The following CARD14 variants were observed in gnomAD, a reference collection of about 807,000 sequenced individuals.
The protein encoded by CARD14 is caspase recruitment domain family member 14.
In CARD14, 107 loss-of-function variants were observed where a neutral mutation model predicts 111.5. The observed-to-expected ratio is 0.96, with a 90% confidence interval of 0.82 to 1.13. CARD14 has a LOEUF of 1.13. CARD14 is among the 50% of genes most tolerant of loss of function. The pLI, the probability that CARD14 is intolerant of heterozygous loss-of-function variation, is 0.00. For synonymous variants in CARD14, 617 were observed against 579.6 expected, an observed-to-expected ratio of 1.06 and a Z score of -0.93; for missense variants, 1,322 against 1,362.3, an observed-to-expected ratio of 0.97 and a Z score of 0.47.
At position 80,202,134 on chromosome 17, in the gene CARD14, G is replaced by C. The variant is rs369971096; in HGVS notation, c.1979-46G>C. The stretch of plus-strand genomic sequence containing the variant: ...AATTTTCTGCAACCTTCCTCGCAGA[G>C]GCTCGTATCTGTGGCTCATCTGTGG... On this transcript the variant is annotated intron_variant, in intron 17 of 23. Transcript: ENST00000648509. The C allele has an allele frequency of 3.6e-4, 550 of 1,529,882 alleles. 12 individuals are homozygous for C. The South Asian group carries it at 5.1e-3, about 14-fold the overall frequency. 94.8% of individuals were successfully genotyped at this position (1,529,882 alleles called of 1,614,324 possible). A position where few individuals can be genotyped will look rare whatever the true frequency, so the allele number is the denominator to read the frequency against.
intron 21 of CARD14, 56 bp downstream of exon 21, chr17:80,205,261 C>CCCCTTCCTCCCTCCTT (rs2041230565): frequency 7.0e-6 from 10 of 1,421,064 alleles, no homozygotes; most frequent in Non-Finnish European, 7.8e-6. Context: ...CCTCCCTCCT[C>CCCCTTCCTCCCTCCTT]CCCTTCCTCC....
Position 80,189,836 on chromosome 17 carries a change from G to T in CARD14, c.927G>T (p.Arg309=), listed in dbSNP as rs2040462275. 6.3e-7 allele frequency: 1 copy of T among 1,589,088 alleles called. No homozygotes were observed. Among genetic ancestry groups the T allele is most frequent in the Non-Finnish European group, 8.5e-7 (1 of 1,171,618 alleles). ...QELVERIHSL[R]ERAVAAERQR... ...TGGTGGAGCGCATCCACTCGCTGCG[G>T]GAGCGGGCCGTGGCTGCCGAGAGGC... The change falls in exon 9 of 24, where the codon CGG becomes CGT. Residue 309 remains arginine (R), a synonymous_variant. Coordinates refer to ENST00000648509, the MANE Select transcript of CARD14 (RefSeq NM_001366385.1). This position sits in a 1 kb window ranked among gnomAD's most constrained non-coding sequence, Gnocchi z 4.7.
At position 80,195,016 on chromosome 17, in the gene CARD14, G is replaced by A. The variant is rs117253827; in HGVS notation, c.1357-175G>A. On this transcript the variant is annotated intron_variant, in intron 12 of 23. Coordinates refer to ENST00000648509, the MANE Select transcript of CARD14 (RefSeq NM_001366385.1). This position sits in a 1 kb window ranked among gnomAD's most constrained non-coding sequence, Gnocchi z 4.7. ...TGTGCTAATTGCATGTGACCCCAGTGTCTGGCATACAGCAGGTGCTCAGCG... is the reference window on the plus strand; with the variant it reads ...TGTGCTAATTGCATGTGACCCCAGTATCTGGCATACAGCAGGTGCTCAGCG... 1.0e-2 allele frequency among the ~76,000 whole-genome samples: 1,517 copies of A among 152,280 alleles called. 13 individuals carry two copies. Among genetic ancestry groups the A allele is most frequent in the Non-Finnish European group, 0.017 (1,159 of 68,032 alleles).
intron 12 of CARD14, 98 bp downstream of exon 12, chr17:80,192,717 C>A: frequency 1.3e-6 from 1 of 768,282 alleles, no homozygotes; most frequent in Non-Finnish European, 2.2e-6. Flanking sequence ...TCCACCCTGT[C>A]CCCACAGGGA....
At chr17:80,202,086 G>C in intron 17 of CARD14, 94 bp from the exon 18 acceptor site, 1 of 1,276,296 alleles carries the variant, frequency 7.8e-7, no homozygotes, top group Non-Finnish European at 1.1e-6. Flanking sequence ...AGACTGGGAG[G>C]GTCCTTCCTT....
At position 80,201,567 on chromosome 17, in the gene CARD14, G is replaced by A. The variant is rs748142029; in HGVS notation, c.1852-177G>A. On this transcript the variant is annotated intron_variant, in intron 16 of 23. Coordinates refer to ENST00000648509, the MANE Select transcript of CARD14 (RefSeq NM_001366385.1). The surrounding 1 kb of genome is among the most constrained non-coding windows in gnomAD (Gnocchi z 5.0). The stretch of plus-strand genomic sequence containing the variant: ...ACTATGTGTAGCACGCATCACTAGA[G>A]GTGTGAAGGCCCCACAGAGGCTCTG... 40 of 673,426 alleles carry A rather than the reference G, an allele frequency of 5.9e-5. No individual in the cohort carries two copies. The highest frequency in any genetic ancestry group is 9.0e-5 in the Non-Finnish European group (34 of 377,782). The allele number at this position is 673,426 out of a possible 1,614,324, so 41.7% of individuals were successfully genotyped here. A position where few individuals can be genotyped will look rare whatever the true frequency, so the allele number is the denominator to read the frequency against.
chr17:80,193,725 C>T (rs1295251351), intron 12 of CARD14, among the ~76,000 whole-genome samples: 1 of 152,180 alleles, frequency 6.6e-6, no homozygotes, highest in Admixed American at 6.5e-5. Flanking sequence ...ACTCAGAGAG[C>T]TGGGGGAGGC....
Position 80,198,410 on chromosome 17 carries a change from T to C in CARD14, c.1670T>C (p.Met557Thr), listed in dbSNP as rs1473368069. Residue 557 changes from methionine (M) to threonine (T), a missense_variant, in exon 16 of 24, where the codon ATG becomes ACG. Coordinates refer to ENST00000648509, the MANE Select transcript of CARD14 (RefSeq NM_001366385.1). This position sits in a 1 kb window ranked among gnomAD's most constrained non-coding sequence, Gnocchi z 7.5. ...CTCCCGGCCTGCAGCGGCGTCCTCA[T>C]GCGGCGGAGGCCAGCCCGCAGGATC... ...RLDVSESGVL[M>T]RRRPARRILS... 6.2e-7 allele frequency: 1 copy of C among 1,602,426 alleles called. No homozygotes were observed. Among genetic ancestry groups the C allele is most frequent in the Non-Finnish European group, 8.5e-7 (1 of 1,172,256 alleles).
chr17:80,184,041 C>A lies in CARD14; in HGVS notation c.478C>A (p.Leu160Met). 1.3e-6 allele frequency: 2 copies of A among 1,588,178 alleles called. No individual in the cohort carries two copies. The highest frequency in any genetic ancestry group is 1.7e-6 in the Non-Finnish European group (2 of 1,167,728). ...LRRCQQLQEHLGLAETRAEGL... is the reference protein window; with the variant it reads ...LRRCQQLQEHMGLAETRAEGL... ...GCGGTGCCAGCAGCTGCAGGAGCACCTGGGCCTGGCCGAGACCCGTGCCGA... is the reference window on the plus strand; with the variant it reads ...GCGGTGCCAGCAGCTGCAGGAGCACATGGGCCTGGCCGAGACCCGTGCCGA... Residue 160 changes from leucine (L) to methionine (M), a missense_variant, in exon 7 of 24, where the codon CTG (leucine) becomes ATG (methionine). Leu to Met is a conservative substitution (Grantham distance 15, BLOSUM62 2). Coordinates refer to ENST00000648509, the MANE Select transcript of CARD14 (RefSeq NM_001366385.1).
chr17:80,203,972 GGA>G lies in CARD14; in HGVS notation c.2283+91_2283+92del, dbSNP rs1213451401. ...GGCAGGGTGGCAGGAGGCACTGTGTGGAGAGTGGGCTGCTGATTGGAGGGTAA... is the reference window on the plus strand; with the variant it reads ...GGCAGGGTGGCAGGAGGCACTGTGTGGAGTGGGCTGCTGATTGGAGGGTAA... On this transcript the variant is annotated intron_variant, in intron 19 of 23. Coordinates refer to ENST00000648509, the MANE Select transcript of CARD14 (RefSeq NM_001366385.1). The surrounding 1 kb of genome is among the most constrained non-coding windows in gnomAD (Gnocchi z 4.6). 3 of 1,126,580 alleles carry G rather than the reference GGA, an allele frequency of 2.7e-6. No individual in the cohort carries two copies. The highest frequency in any genetic ancestry group is 3.9e-6 in the Non-Finnish European group (3 of 777,652). 69.8% of individuals were successfully genotyped at this position (1,126,580 alleles called of 1,614,324 possible).
At chr17:80,179,515 G>A (rs1020426976) in intron 4 of CARD14, among the ~76,000 whole-genome samples, 5 of 152,300 alleles carry the variant, frequency 3.3e-5, no homozygotes, top group Admixed American at 2.0e-4. Flanking sequence ...GCTATGTACT[G>A]TTTATACACA....
rs528332360 is a variant in CARD14 at position 80,183,561 on chromosome 17, G to A, written c.350-352G>A. Among the ~76,000 whole-genome samples, 5 of 152,268 alleles carry A rather than the reference G, an allele frequency of 3.3e-5. No individual in the cohort carries two copies. The East Asian group carries it at 9.7e-4, about 29-fold the overall frequency. On this transcript the variant is annotated intron_variant, in intron 6 of 23. Coordinates refer to ENST00000648509, the MANE Select transcript of CARD14 (RefSeq NM_001366385.1). ...AGTGGGTAACCCTCGTGCCAAAATC[G>A]GGAGTCACGCTGTTTATTCAACCAA...
chr17:80,170,682 A>T (rs956355483), intron 1 of CARD14: 1 of 151,968 alleles, frequency 6.6e-6, no homozygotes, highest in Non-Finnish European at 1.5e-5. Flanking sequence ...CACATCTTAG[A>T]TGCTCAGGAT....
chr17:80,205,250 C>T, intron 21 of CARD14, 45 bp downstream of exon 21: 1 of 1,468,982 alleles, frequency 6.8e-7, no homozygotes, highest in Non-Finnish European at 9.4e-7. Flanking sequence ...CACCTTCCCT[C>T]CCTCCCTCCT....
intron 9 of CARD14, among the ~76,000 whole-genome samples, chr17:80,190,231 C>G (rs2040477521): frequency 6.6e-6 from 1 of 152,160 alleles, no homozygotes; most frequent in African/African-American, 2.4e-5. Context: ...ACGCAAAACA[C>G]AACTATGCAT....
Position 80,205,190 on chromosome 17 carries a change from A to C in CARD14, c.2554A>C (p.Lys852Gln). ...GAAACTGTGCCTCCTCCAAGGGTTT[A>C]AGAAGTGCCTGGCAGGTATGCTGTT... ...SEKLCLLQGF[K>Q]KCLAEYLSQE... Residue 852 changes from lysine (K) to glutamine (Q), a missense_variant, in exon 21 of 24, where the codon AAG becomes CAG. Physicochemically the swap from Lys to Gln is moderately conservative, Grantham distance 53. Coordinates refer to ENST00000648509, the MANE Select transcript of CARD14 (RefSeq NM_001366385.1). 1.9e-6 allele frequency: 3 copies of C among 1,612,918 alleles called. No individual in the cohort carries two copies. Among genetic ancestry groups the C allele is most frequent in the Non-Finnish European group, 1.7e-6 (2 of 1,179,494 alleles).
intron 12 of CARD14, among the ~76,000 whole-genome samples, chr17:80,193,352 G>T (rs542521489): frequency 2.0e-5 from 3 of 150,908 alleles, no homozygotes; most frequent in Non-Finnish European, 4.4e-5. Flanking sequence ...CAGGGGACCC[G>T]ATTCGACCTG....
At chr17:80,174,091 A>G (rs2039970485) in intron 2 of CARD14, among the ~76,000 whole-genome samples, 3 of 152,168 alleles carry the variant, frequency 2.0e-5, no homozygotes, top group Admixed American at 2.0e-4. Flanking sequence ...TAATCATTGC[A>G]CTTAGGGAGG....
chr17:80,204,935 T>C (rs992094830), intron 20 of CARD14, 100 bp from the exon 21 acceptor site: 3 of 994,550 alleles, frequency 3.0e-6, no homozygotes, highest in Admixed American at 3.0e-5. Flanking sequence ...GTGCTGGGGC[T>C]GCTGCAGTGA....
Sources: allele counts gnomAD v4.1 joint callset (sites outside exome capture counted in the v4.1 genomes callset), GRCh38; gene constraint gnomAD v4.1.1; non-coding constraint Gnocchi (gnomAD v3.1); transcripts MANE v1.5; gene names NCBI Gene and HGNC (gene_info 2026-07-23, HGNC 2026-07-21).